The following COG5 variants were observed in gnomAD, a reference collection of about 807,000 sequenced individuals.
COG5 encodes the protein conserved oligomeric Golgi complex subunit 5.
Under a neutral mutation model 110.4 loss-of-function variants are expected in COG5, and 86 were observed. The observed-to-expected ratio is 0.78, with a 90% confidence interval of 0.65 to 0.93. COG5 has a LOEUF of 0.93. Among genes scored for constraint, COG5 ranks in the 40% least tolerant of loss-of-function variants. The pLI is 0.00. For synonymous variants in COG5, 360 were observed against 334.6 expected, an observed-to-expected ratio of 1.08 and a Z score of -0.83; for missense variants, 1,077 against 987.0, an observed-to-expected ratio of 1.09 and a Z score of -1.22.
intron 6 of COG5, among the ~76,000 whole-genome samples, chr7:107,432,321 G>A (rs900335277): frequency 1.2e-4 from 19 of 152,146 alleles, no homozygotes; most frequent in Admixed American, 5.2e-4. Context: ...AACACAGAGA[G>A]GTCAGACAAA....
At chr7:107,509,076 G>A (rs1020116454) in intron 6 of COG5, among the ~76,000 whole-genome samples, 6 of 152,164 alleles carry the variant, frequency 3.9e-5, no homozygotes, top group African/African-American at 1.4e-4. Flanking sequence ...AGAGAAGAAG[G>A]CTTCAGAAGA....
chr7:107,283,951 G>C (rs912489150), intron 12 of COG5, among the ~76,000 whole-genome samples: 4 of 107,676 alleles, frequency 3.7e-5, no homozygotes, highest in African/African-American at 1.1e-4. Context: ...TTGAGACGTA[G>C]TCTCACTCTG....
intron 5 of COG5, among the ~76,000 whole-genome samples, chr7:107,542,455 T>A (rs139640525): frequency 7.3e-4 from 111 of 152,286 alleles, no homozygotes; most frequent in Middle Eastern, 3.4e-3. Context: ...GGTAAAATAG[T>A]TTGGCATTAT....
intron 10 of COG5, among the ~76,000 whole-genome samples, chr7:107,353,302 G>A (rs1812326229): frequency 6.6e-6 from 1 of 151,648 alleles, no homozygotes; most frequent in Admixed American, 6.6e-5. Context: ...GCGGGCACCT[G>A]TAGTCCCAGC....
chr7:107,371,231 T>G (rs1236200114), intron 8 of COG5, among the ~76,000 whole-genome samples: 1 of 152,210 alleles, frequency 6.6e-6, no homozygotes, highest in Non-Finnish European at 1.5e-5. Flanking sequence ...CATCTCTTTT[T>G]ATCCAGTACA....
intron 14 of COG5, among the ~76,000 whole-genome samples, chr7:107,263,892 T>C (rs1803579983): frequency 6.6e-6 from 1 of 152,106 alleles, no homozygotes; most frequent in South Asian, 2.1e-4. Flanking sequence ...TCCCTAATCA[T>C]CATGCCTGAG....
chr7:107,497,873 T>C (rs67921365), intron 6 of COG5, among the ~76,000 whole-genome samples: 6,820 of 152,280 alleles, frequency 0.045, 193 homozygotes, highest in Middle Eastern at 0.075. Flanking sequence ...GGTATCATCA[T>C]ACTTCTTTAT....
At chr7:107,345,239 A>G (rs1335462355) in intron 10 of COG5, among the ~76,000 whole-genome samples, 1 of 152,140 alleles carries the variant, frequency 6.6e-6, no homozygotes, top group Non-Finnish European at 1.5e-5. Flanking sequence ...TAGTAACATC[A>G]AAGATCACTG....
chr7:107,424,318 G>C (rs1793499099), intron 6 of COG5, among the ~76,000 whole-genome samples: 1 of 151,922 alleles, frequency 6.6e-6, no homozygotes, highest in Admixed American at 6.6e-5. Context: ...GTGGTTCCCT[G>C]GGGCCTGGAG....
At chr7:107,354,853 CA>C (rs1373542286) in intron 10 of COG5, among the ~76,000 whole-genome samples, 1 of 152,202 alleles carries the variant, frequency 6.6e-6, no homozygotes, top group Non-Finnish European at 1.5e-5. Context: ...CAAGGTTGCA[CA>C]ATCAGTGGTA....
chr7:107,364,149 TG>T, intron 8 of COG5, among the ~76,000 whole-genome samples: 1 of 152,332 alleles, frequency 6.6e-6, no homozygotes, highest in East Asian at 1.9e-4. Flanking sequence ...TTTCCTGATA[TG>T]ATGTAATAGG....
intron 6 of COG5, among the ~76,000 whole-genome samples, chr7:107,462,184 C>G (rs1796031910): frequency 6.6e-6 from 1 of 152,122 alleles, no homozygotes; most frequent in African/African-American, 2.4e-5. Flanking sequence ...GACGTGAGCA[C>G]TTGAGTACCT....
At chr7:107,269,293 G>A (rs1019315280) in intron 14 of COG5, among the ~76,000 whole-genome samples, 2 of 152,026 alleles carry the variant, frequency 1.3e-5, no homozygotes, top group African/African-American at 4.8e-5. Context: ...GGCTAACTCG[G>A]TGATACCCCG....
intron 6 of COG5, among the ~76,000 whole-genome samples, chr7:107,458,658 C>T (rs894104053): frequency 1.3e-5 from 2 of 151,958 alleles, no homozygotes; most frequent in Admixed American, 6.6e-5. Context: ...AGTTGAAGAC[C>T]CCAGCCTTAG....
chr7:107,212,884 G>A (rs1028614450), intron 19 of COG5, among the ~76,000 whole-genome samples: 1 of 152,288 alleles, frequency 6.6e-6, no homozygotes, highest in East Asian at 1.9e-4. Context: ...AGAGCCACAG[G>A]GGGGATTCTC....
At chr7:107,414,087 G>C (rs1445346088) in intron 6 of COG5, among the ~76,000 whole-genome samples, 1 of 152,180 alleles carries the variant, frequency 6.6e-6, no homozygotes, top group Non-Finnish European at 1.5e-5. Flanking sequence ...AAAGGGTAAA[G>C]ATGTAAAAAT....
At chr7:107,319,254 A>G (rs1584671688) in intron 11 of COG5, among the ~76,000 whole-genome samples, 1 of 152,136 alleles carries the variant, frequency 6.6e-6, no homozygotes, top group Non-Finnish European at 1.5e-5. Context: ...CATTTATAAG[A>G]AGTGTTTTAA....
intron 16 of COG5, among the ~76,000 whole-genome samples, chr7:107,251,548 G>C (rs1239678681): frequency 6.6e-6 from 1 of 152,034 alleles, no homozygotes; most frequent in East Asian, 1.9e-4. Context: ...AATTAAATTA[G>C]AAATCAGTAA....
chr7:107,227,393 A>G (rs929114094), intron 19 of COG5, among the ~76,000 whole-genome samples: 2 of 152,174 alleles, frequency 1.3e-5, no homozygotes, highest in Non-Finnish European at 1.5e-5. Flanking sequence ...CTGTTACGCC[A>G]TAAGAAGCTA....
Sources: gnomAD v4.1 joint callset for allele counts (sites outside exome capture counted in the v4.1 genomes callset) on GRCh38, gnomAD v4.1.1 for gene constraint, MANE v1.5 for transcripts, NCBI Gene and HGNC (gene_info 2026-07-23, HGNC 2026-07-21) for gene names.